Variants in SBK3 observed in about 807,000 individuals in gnomAD.
The protein encoded by SBK3 is SH3 domain binding kinase family member 3.
SBK3 carries 16 observed loss-of-function variants against 12.7 expected under a neutral mutation model. That is an observed-to-expected ratio of 1.26 (90% CI 0.86 to 1.92). SBK3 has a LOEUF of 1.92. Among genes scored for constraint, SBK3 ranks in the 40% most tolerant of loss-of-function variants. The probability of loss-of-function intolerance (pLI) is 0.00; values close to 1 mark genes in which losing one functional copy is unlikely to be tolerated. For synonymous variants in SBK3, 217 were observed against 213.6 expected, an observed-to-expected ratio of 1.02 and a Z score of -0.14; for missense variants, 462 against 481.8, an observed-to-expected ratio of 0.96 and a Z score of 0.38.
In SBK3 at chr19:55,540,876, C is replaced by A; in HGVS notation, c.1050G>T (p.Gly350=). 2 of 1,536,116 alleles carry A rather than the reference C, an allele frequency of 1.3e-6. No homozygotes were observed. The highest frequency in any genetic ancestry group is 1.7e-6 in the Non-Finnish European group (2 of 1,146,896). The change falls in exon 4 of 4, where the codon GGG becomes GGT. Residue 350 remains glycine, a synonymous_variant. Coordinates refer to ENST00000612221, the MANE Select transcript of SBK3 (RefSeq NM_001199824.2). ...TDEGDDSKSG[G]RTGTDGGAP is the part of the protein sequence containing the mutation. ...GAGCTCCCCCATCTGTCCCCGTCCT[C>A]CCACCACTTTTGCTGTCATCACCCT...
In SBK3 at chr19:55,544,953, C is replaced by G. The variant is rs563322797; in HGVS notation, c.46-4G>C. ...GGAGGGCTGTGGCTGTGTCCTCCTA[C>G]GGGAGAGGGGCAGGGTGAGGAGGGG... On this transcript the variant is annotated splice_region_variant and splice_polypyrimidine_tract_variant and intron_variant, in intron 1 of 3. Coordinates refer to ENST00000612221, the MANE Select transcript of SBK3 (RefSeq NM_001199824.2). 197 of 1,527,010 alleles carry G rather than the reference C, an allele frequency of 1.3e-4. 1 individual carries two copies. The South Asian group carries it at 2.3e-3, about 18-fold the overall frequency. 94.6% of individuals were successfully genotyped at this position (1,527,010 alleles called of 1,614,324 possible).
chr19:55,541,382 CCA>C lies in SBK3; in HGVS notation c.542_543del (p.Leu181ArgfsTer26), dbSNP rs759404147. On this transcript the variant is annotated frameshift_variant, in exon 4 of 4. Coordinates refer to ENST00000612221, the MANE Select transcript of SBK3 (RefSeq NM_001199824.2). LOFTEE classifies it low-confidence loss of function (END_TRUNC). The surrounding 1 kb of genome is among the most constrained non-coding windows in gnomAD (Gnocchi z 5.3). ...TCTGGCCGGGTCAGACCCAGGTCTC[CCA>C]GGGCCACACGGCTGCAGACCGGGTC... ...VFDPVCSRVA[L>X]GDLGLTRPEG... 6.5e-7 allele frequency: 1 copy of C among 1,535,790 alleles called. No homozygotes were observed. Among genetic ancestry groups the C allele is most frequent in the South Asian group, 1.2e-5 (1 of 84,054 alleles).
In SBK3 at chr19:55,545,021, G is replaced by A. The variant is rs995922753; in HGVS notation, c.46-72C>T. ...TGAGAGTGGTGGGGGAGGAGGTCAC[G>A]GCGCAGCCCCAGGATGGAGGGTGGG... is the stretch of plus-strand genomic sequence containing the variant. On this transcript the variant is annotated intron_variant, in intron 1 of 3. Coordinates refer to ENST00000612221, the MANE Select transcript of SBK3 (RefSeq NM_001199824.2). The surrounding 1 kb of genome is among the most constrained non-coding windows in gnomAD (Gnocchi z 4.4). The A allele has an allele frequency of 1.4e-5, 17 of 1,212,834 alleles. No homozygotes were observed. In the African/African-American group the frequency reaches 1.7e-4, roughly 12 times the overall value. 75.1% of individuals were successfully genotyped at this position (1,212,834 alleles called of 1,614,324 possible). A position where few individuals can be genotyped will look rare whatever the true frequency, so the allele number is the denominator to read the frequency against.
rs1328511347 is a variant in SBK3, at chr19:55,545,051, G to C, written c.46-102C>G. ...AGCCCCAGGATGGAGGGTGGGGCAG[G>C]GGACAGGGGTCACTGTCCCCAGAGA... On this transcript the variant is annotated intron_variant, in intron 1 of 3. Coordinates refer to ENST00000612221, the MANE Select transcript of SBK3 (RefSeq NM_001199824.2). This position sits in a 1 kb window ranked among gnomAD's most constrained non-coding sequence, Gnocchi z 4.4. The C allele has an allele frequency of 1.2e-6, 1 of 865,490 alleles. No homozygotes were observed. The highest frequency in any genetic ancestry group is 2.8e-5 in the Admixed American group (1 of 35,334). 53.6% of individuals were successfully genotyped at this position (865,490 alleles called of 1,614,324 possible).
rs775192048 is a variant in SBK3 at position 55,541,409 on chromosome 19, C to T, written c.517G>A (p.Asp173Asn). Residue 173 changes from aspartate (D) to asparagine (N), a missense_variant, in exon 4 of 4, where the codon GAC becomes AAC. Transcript: ENST00000612221. This position sits in a 1 kb window ranked among gnomAD's most constrained non-coding sequence, Gnocchi z 5.3. ...DVKPDNVLVF[D>N]PVCSRVALGD... ...AGGGCCACACGGCTGCAGACCGGGT[C>T]GAAGACCAGCACGTTGTCAGGTTTG... is the stretch of plus-strand genomic sequence containing the variant. 2.5e-5 allele frequency: 38 copies of T among 1,535,698 alleles called. No homozygotes were observed. The highest frequency in any genetic ancestry group is 3.3e-4 in the Middle Eastern group (2 of 6,010).
chr19:55,541,666 C>T lies in SBK3; in HGVS notation c.400-140G>A. On this transcript the variant is annotated intron_variant, in intron 3 of 3. Transcript: ENST00000612221. The surrounding 1 kb of genome is among the most constrained non-coding windows in gnomAD (Gnocchi z 5.3). ...AAGTGCTGGGATTATAGGCATGAGG[C>T]ACTGCACCAGTTGGTTCCTTCTGAA... is the stretch of plus-strand genomic sequence containing the variant. The T allele has an allele frequency of 1.6e-6, 1 of 627,028 alleles. No homozygotes were observed. The highest frequency in any genetic ancestry group is 2.7e-6 in the Non-Finnish European group (1 of 373,990). 38.8% of individuals were successfully genotyped at this position (627,028 alleles called of 1,614,324 possible).
At chr19:55,542,635 C>A (rs1309230576) in intron 3 of SBK3, among the ~76,000 whole-genome samples, 2 of 150,744 alleles carry the variant, frequency 1.3e-5, no homozygotes, top group Admixed American at 6.6e-5. Flanking sequence ...GTCCATGCAG[C>A]CATCCACCCA....
chr19:55,544,373 G>T, intron 2 of SBK3, 71 bp from the exon 3 acceptor site: 1 of 1,231,698 alleles, frequency 8.1e-7, no homozygotes, highest in Non-Finnish European at 1.1e-6. Flanking sequence ...GGGAAGCCGT[G>T]TAAACTCTCT....
chr19:55,542,731 C>G (rs1333760584), intron 3 of SBK3, among the ~76,000 whole-genome samples: 1 of 147,760 alleles, frequency 6.8e-6, no homozygotes, highest in Non-Finnish European at 1.5e-5. Flanking sequence ...TACCCATCCA[C>G]TCATCCATCC....
Position 55,545,143 on chromosome 19 carries a change from G to A in SBK3, c.46-194C>T. ...GTTTTTGTGTCCTGGAGAGGTTAGG[G>A]GTCACTGCCACAGAGGCCCCGCCTG... On this transcript the variant is annotated intron_variant, in intron 1 of 3. Transcript: ENST00000612221. This position sits in a 1 kb window ranked among gnomAD's most constrained non-coding sequence, Gnocchi z 4.4. The A allele has an allele frequency of 1.7e-6, 1 of 589,534 alleles. No individual in the cohort carries two copies. The highest frequency in any genetic ancestry group is 3.0e-6 in the Non-Finnish European group (1 of 335,250). The allele number at this position is 589,534 out of a possible 1,614,324, so 36.5% of individuals were successfully genotyped here. A position where few individuals can be genotyped will look rare whatever the true frequency, so the allele number is the denominator to read the frequency against.
chr19:55,541,258 A>G lies in SBK3; in HGVS notation c.668T>C (p.Val223Ala). The change falls in exon 4 of 4, where the codon GTG (valine) becomes GCG (alanine). Residue 223 changes from valine (V) to alanine (A), a missense_variant. Transcript: ENST00000612221. This position sits in a 1 kb window ranked among gnomAD's most constrained non-coding sequence, Gnocchi z 5.3. Reference sequence around the variant, plus strand: ...AAGCACCCCCAGGCCCCAGGAGTCCACGGCTGGCCGCAGAGGCAGGGTGTC... The same window carrying G: ...AAGCACCCCCAGGCCCCAGGAGTCCGCGGCTGGCCGCAGAGGCAGGGTGTC... ...PPDTLPLRPA[V>A]DSWGLGVLLF... is the part of the protein sequence containing the mutation. The G allele has an allele frequency of 6.5e-7, 1 of 1,536,010 alleles. No individual in the cohort carries two copies. Among genetic ancestry groups the G allele is most frequent in the South Asian group, 1.2e-5 (1 of 84,058 alleles).
Position 55,544,139 on chromosome 19 carries a change from G to C in SBK3, c.360C>G (p.Tyr120Ter), listed in dbSNP as rs368790543. The change falls in exon 3 of 4, where the codon TAC becomes TAG. Residue 120 changes from tyrosine to a stop codon, truncating the protein, a stop_gained. Coordinates refer to ENST00000612221, the MANE Select transcript of SBK3 (RefSeq NM_001199824.2). LOFTEE classifies it low-confidence loss of function (END_TRUNC). ...TCCCGCTGAGGTCCCCACAGGGCGC[G>C]TACTCCTGGGCGAAGGCAAAATAGC... ...TPRYFAFAQE[Y>*]APCGDLSGML... The C allele has an allele frequency of 6.5e-7, 1 of 1,532,770 alleles. No individual in the cohort carries two copies. Among genetic ancestry groups the C allele is most frequent in the Non-Finnish European group, 8.7e-7 (1 of 1,145,318 alleles). 94.9% of individuals were successfully genotyped at this position (1,532,770 alleles called of 1,614,324 possible). A position where few individuals can be genotyped will look rare whatever the true frequency, so the allele number is the denominator to read the frequency against.
At chr19:55,543,295 C>A (rs1046644929) in intron 3 of SBK3, among the ~76,000 whole-genome samples, 5 of 129,148 alleles carry the variant, frequency 3.9e-5, no homozygotes, top group Non-Finnish European at 8.1e-5. Context: ...CACTCACCCA[C>A]CAATCCTTTC....
intron 2 of SBK3, 84 bp downstream of exon 2, chr19:55,544,715 T>G: frequency 2.2e-6 from 3 of 1,342,946 alleles, no homozygotes; most frequent in Non-Finnish European, 3.0e-6. Context: ...CAGCTCCTCC[T>G]GGGAATGCCC....
chr19:55,544,044 G>C, intron 3 of SBK3, 56 bp downstream of exon 3: 1 of 1,380,524 alleles, frequency 7.2e-7, no homozygotes, highest in Non-Finnish European at 9.5e-7. Flanking sequence ...GACGGGGCTT[G>C]GGACAGAGTT....
In SBK3 at chr19:55,544,125, T is replaced by TACG. The variant is rs1212624339; in HGVS notation, c.373_374insCGT (p.Asp125delinsAlaTyr). The TACG allele has an allele frequency of 6.6e-7, 1 of 1,520,440 alleles. No homozygotes were observed. The highest frequency in any genetic ancestry group is 8.8e-7 in the Non-Finnish European group (1 of 1,139,162). The allele number at this position is 1,520,440 out of a possible 1,614,324, so 94.2% of individuals were successfully genotyped here. ...CCTTTCCTGCAGCATCCCGCTGAGG[T>TACG]CCCCACAGGGCGCGTACTCCTGGGC... On this transcript the variant is annotated protein_altering_variant, in exon 3 of 4. Coordinates refer to ENST00000612221, the MANE Select transcript of SBK3 (RefSeq NM_001199824.2).
Position 55,544,301 on chromosome 19 carries a change from A to T in SBK3, c.198T>A (p.Gly66=), listed in dbSNP as rs61746194. 5.4e-4 allele frequency: 829 copies of T among 1,535,362 alleles called. 3 individuals carry two copies. The African/African-American group carries it at 0.01, about 19-fold the overall frequency. ...GCAGGAGCTTCAGAGCCACAGCTGGACCTGCCAGGGAGATGGGTCGGAGGG... is the reference window on the plus strand; with the variant it reads ...GCAGGAGCTTCAGAGCCACAGCTGGTCCTGCCAGGGAGATGGGTCGGAGGG... ...RVLLAQPHQG[G]PAVALKLLRR... The change falls in exon 3 of 4, where the codon GGT becomes GGA. Residue 66 remains glycine, a splice_region_variant and synonymous_variant. Coordinates refer to ENST00000612221, the MANE Select transcript of SBK3 (RefSeq NM_001199824.2).
At position 55,545,044 on chromosome 19, in the gene SBK3, G is replaced by T; in HGVS notation, c.46-95C>A. On this transcript the variant is annotated intron_variant, in intron 1 of 3. Coordinates refer to ENST00000612221, the MANE Select transcript of SBK3 (RefSeq NM_001199824.2). The surrounding 1 kb of genome is among the most constrained non-coding windows in gnomAD (Gnocchi z 4.4). Reference sequence around the variant, plus strand: ...ACGGCGCAGCCCCAGGATGGAGGGTGGGGCAGGGGACAGGGGTCACTGTCC... The same window carrying T: ...ACGGCGCAGCCCCAGGATGGAGGGTTGGGCAGGGGACAGGGGTCACTGTCC... 2.1e-6 allele frequency: 2 copies of T among 948,378 alleles called. No individual in the cohort carries two copies. Among genetic ancestry groups the T allele is most frequent in the Non-Finnish European group, 3.1e-6 (2 of 648,896 alleles). The allele number at this position is 948,378 out of a possible 1,614,324, so 58.7% of individuals were successfully genotyped here.
intron 3 of SBK3, among the ~76,000 whole-genome samples, chr19:55,543,868 C>A (rs1988614467): frequency 6.6e-6 from 1 of 152,070 alleles, no homozygotes; most frequent in Non-Finnish European, 1.5e-5. Context: ...CTCAATCCCA[C>A]CCCCAGCTCC....
Sources: gnomAD v4.1 joint callset for allele counts (sites outside exome capture counted in the v4.1 genomes callset) on GRCh38, gnomAD v4.1.1 for gene constraint, Gnocchi (gnomAD v3.1) non-coding constraint, MANE v1.5 for transcripts, NCBI Gene and HGNC (gene_info 2026-07-23, HGNC 2026-07-21) for gene names.